Variants in KCNMA1 observed in about 807,000 individuals in gnomAD.
The protein encoded by KCNMA1 is Calcium-activated potassium channel subunit alpha-1.
Under a neutral mutation model 140.0 loss-of-function variants are expected in KCNMA1, and 29 were observed. The ratio of observed to expected loss-of-function variants is 0.21; its 90% confidence interval spans 0.15 to 0.28. KCNMA1 has a LOEUF of 0.28. KCNMA1 is among the 10% of genes least tolerant of loss of function. KCNMA1 has a pLI of 1.00. For missense variants in KCNMA1, 880 were observed against 1,602.2 expected, an observed-to-expected ratio of 0.55 and a Z score of 7.70; for synonymous variants, 612 against 611.9, an observed-to-expected ratio of 1.00 and a Z score of 0.00.
At chr10:77,045,399 G>T (rs1266596717) in intron 14 of KCNMA1, among the ~76,000 whole-genome samples, 1 of 152,162 alleles carries the variant, frequency 6.6e-6, no homozygotes, top group Non-Finnish European at 1.5e-5. Context: ...GATGCTCTGT[G>T]GGTCCTTATT....
intron 20 of KCNMA1, among the ~76,000 whole-genome samples, chr10:76,959,337 G>A (rs117598371): frequency 0.015 from 2,212 of 152,330 alleles, 33 homozygotes; most frequent in Non-Finnish European, 0.023. Context: ...TATTTCCTTA[G>A]TGACAGTATA....
At chr10:77,482,855 C>T (rs1273475393) in intron 1 of KCNMA1, among the ~76,000 whole-genome samples, 1 of 152,028 alleles carries the variant, frequency 6.6e-6, no homozygotes, top group Non-Finnish European at 1.5e-5. Flanking sequence ...TGATTTCAAT[C>T]CCTGAACTGC....
rs150764369 is a variant in KCNMA1 at position 77,083,976 on chromosome 10, G to T, written c.1523+661C>A. Reference sequence around the variant, plus strand: ...AAGCACTGAAAAGCCTTTCAAGAAAGAACATTAATTTTGGGAAACTGGATG... The same window carrying T: ...AAGCACTGAAAAGCCTTTCAAGAAATAACATTAATTTTGGGAAACTGGATG... On this transcript the variant is annotated intron_variant, in intron 12 of 27. Coordinates refer to ENST00000286628, the MANE Select transcript of KCNMA1 (RefSeq NM_001161352.2). Among the ~76,000 whole-genome samples the T allele has an allele frequency of 5.3e-4, 80 of 152,248 alleles. No individual in the cohort carries two copies. In the East Asian group the frequency reaches 0.012, roughly 23 times the overall value.
At chr10:77,166,247 T>C (rs1423209351) in intron 5 of KCNMA1, among the ~76,000 whole-genome samples, 1 of 152,124 alleles carries the variant, frequency 6.6e-6, no homozygotes, top group Non-Finnish European at 1.5e-5. Flanking sequence ...CACCAAAACA[T>C]GAGAAAGCAC....
chr10:77,299,878 C>T (rs926537595), intron 2 of KCNMA1, among the ~76,000 whole-genome samples: 3 of 152,196 alleles, frequency 2.0e-5, no homozygotes, highest in African/African-American at 4.8e-5. Context: ...TCCCTGGTCC[C>T]GTATCATCAG....
At chr10:76,984,205 T>TG (rs1188391984) in intron 19 of KCNMA1, among the ~76,000 whole-genome samples, 1 of 151,658 alleles carries the variant, frequency 6.6e-6, no homozygotes, top group Non-Finnish European at 1.5e-5. Context: ...TATTTACTTT[T>TG]TTTTTTTGAG....
intron 2 of KCNMA1, chr10:77,376,637 CA>C (rs2095122789): frequency 4.2e-5 from 2 of 47,222 alleles, no homozygotes; most frequent in African/African-American, 1.3e-4. Flanking sequence ...TTTTTTAATT[CA>C]TTAAAAAAAA....
intron 19 of KCNMA1, among the ~76,000 whole-genome samples, chr10:76,983,421 G>A (rs1249327417): frequency 2.0e-5 from 3 of 152,030 alleles, no homozygotes; most frequent in African/African-American, 2.4e-5. Flanking sequence ...AGTTCTTTAC[G>A]GCCTGATAGG....
At chr10:76,981,209 A>C (rs150002196) in intron 19 of KCNMA1, among the ~76,000 whole-genome samples, 1 of 152,286 alleles carries the variant, frequency 6.6e-6, no homozygotes, top group South Asian at 2.1e-4. Context: ...ACCAACACTT[A>C]GAATGGGGTG....
At position 77,108,921 on chromosome 10, in the gene KCNMA1, CAT is replaced by C. The variant is rs929442873; in HGVS notation, c.1132-351_1132-350del. ...TAGTGAAACTAAACACACACAGACA[CAT>C]GTGTGCATGCACAGACACACACAGT... On this transcript the variant is annotated intron_variant, in intron 8 of 27. Transcript: ENST00000286628. The surrounding 1 kb of genome is among the most constrained non-coding windows in gnomAD (Gnocchi z 4.6). 2.6e-5 allele frequency among the ~76,000 whole-genome samples: 4 copies of C among 152,114 alleles called. No homozygotes were observed. Among genetic ancestry groups the C allele is most frequent in the Non-Finnish European group, 5.9e-5 (4 of 68,022 alleles).
chr10:77,513,261 C>A (rs1479887859), intron 1 of KCNMA1, among the ~76,000 whole-genome samples: 1 of 152,170 alleles, frequency 6.6e-6, no homozygotes, highest in Non-Finnish European at 1.5e-5. Context: ...AACGCTCTTC[C>A]CCCAAATTTC....
chr10:76,992,048 C>T (rs1002570363), intron 19 of KCNMA1, among the ~76,000 whole-genome samples: 2 of 152,176 alleles, frequency 1.3e-5, no homozygotes, highest in Admixed American at 6.5e-5. Context: ...TTTCTATTTG[C>T]ATAGGGTTTT....
At chr10:76,929,091 C>T (rs1027063372) in intron 23 of KCNMA1, among the ~76,000 whole-genome samples, 1 of 151,750 alleles carries the variant, frequency 6.6e-6, no homozygotes, top group Non-Finnish European at 1.5e-5. Context: ...ATCTTAAATG[C>T]AAATAAATAA....
intron 5 of KCNMA1, among the ~76,000 whole-genome samples, chr10:77,128,808 G>T (rs1489589521): frequency 6.6e-6 from 1 of 152,138 alleles, no homozygotes; most frequent in Non-Finnish European, 1.5e-5. Flanking sequence ...GGAGGCATGG[G>T]ATTCAAATCC....
intron 1 of KCNMA1, among the ~76,000 whole-genome samples, chr10:77,463,464 G>A (rs536272649): frequency 2.0e-5 from 2 of 98,156 alleles, no homozygotes; most frequent in East Asian, 6.9e-4. Context: ...AAGGAGAGGG[G>A]CAACTCACAA....
chr10:77,148,050 C>T (rs1430936255), intron 5 of KCNMA1, among the ~76,000 whole-genome samples: 1 of 152,030 alleles, frequency 6.6e-6, no homozygotes, highest in East Asian at 1.9e-4. Flanking sequence ...ACTGACCCTG[C>T]CTTTGCATAG....
intron 2 of KCNMA1, among the ~76,000 whole-genome samples, chr10:77,351,612 T>C (rs1053460057): frequency 2.0e-5 from 3 of 152,190 alleles, no homozygotes; most frequent in Non-Finnish European, 4.4e-5. Context: ...CCTCTGTTTT[T>C]CCTTCCTCCC....
At chr10:77,582,263 G>C (rs4979893) in intron 1 of KCNMA1, among the ~76,000 whole-genome samples, 6,226 of 152,290 alleles carry the variant, frequency 0.041, 452 homozygotes, top group African/African-American at 0.14. Context: ...GCCTTGGCAA[G>C]TTATTTAACC....
chr10:77,135,960 A>G (rs1259825497), intron 5 of KCNMA1, among the ~76,000 whole-genome samples: 2 of 147,776 alleles, frequency 1.4e-5, no homozygotes, highest in South Asian at 4.1e-4. Flanking sequence ...AATTAAAAGA[A>G]ATGCAAATTA....
Sources: gnomAD v4.1 joint callset for allele counts (sites outside exome capture counted in the v4.1 genomes callset) on GRCh38, gnomAD v4.1.1 for gene constraint, Gnocchi (gnomAD v3.1) non-coding constraint, MANE v1.5 for transcripts, NCBI Gene and HGNC (gene_info 2026-07-23, HGNC 2026-07-21) for gene names.